The following PPTC7 variants were observed in gnomAD, a reference collection of about 807,000 sequenced individuals.
The protein encoded by PPTC7 is protein phosphatase targeting COQ7, also known as protein phosphatase PTC7 homolog.
Under a neutral mutation model 30.8 loss-of-function variants are expected in PPTC7, and 6 were observed. The ratio of observed to expected loss-of-function variants is 0.19; its 90% CI spans 0.11 to 0.38. The LOEUF is 0.38. Among genes scored for constraint, PPTC7 ranks in the 10% least tolerant of loss-of-function variants. PPTC7 has a pLI of 1.00. For synonymous variants in PPTC7, 163 were observed against 168.1 expected, an observed-to-expected ratio of 0.97 and a Z score of 0.23; for missense variants, 218 against 404.8, an observed-to-expected ratio of 0.54 and a Z score of 3.96.
At chr12:110,579,937 C>T (rs966648834) in intron 1 of PPTC7, among the ~76,000 whole-genome samples, 5 of 151,764 alleles carry the variant, frequency 3.3e-5, no homozygotes, top group Admixed American at 6.6e-5. Flanking sequence ...CACTTAAACC[C>T]GGGAGGCGGA....
intron 1 of PPTC7, among the ~76,000 whole-genome samples, chr12:110,562,533 C>T (rs992375729): frequency 2.6e-5 from 4 of 152,044 alleles, no homozygotes; most frequent in African/African-American, 9.7e-5. Flanking sequence ...GTGGCTCACA[C>T]CTATAATCCC....
chr12:110,559,726 A>G (rs1408559126), intron 1 of PPTC7, among the ~76,000 whole-genome samples: 2 of 143,842 alleles, frequency 1.4e-5, no homozygotes, highest in East Asian at 2.0e-4. Flanking sequence ...ACTCAGCCTC[A>G]GGGGAAAAAA....
intron 1 of PPTC7, among the ~76,000 whole-genome samples, chr12:110,574,961 T>A (rs950571665): frequency 6.8e-6 from 1 of 147,328 alleles, no homozygotes; most frequent in Non-Finnish European, 1.5e-5. Context: ...TTTTTTTTTT[T>A]AAACTTTTAG....
intron 1 of PPTC7, among the ~76,000 whole-genome samples, chr12:110,559,924 C>T (rs747556161): frequency 4.5e-4 from 69 of 151,914 alleles, no homozygotes; most frequent in Non-Finnish European, 8.5e-4. Flanking sequence ...GATGGGTCCT[C>T]GCCATGTTGC....
At chr12:110,568,456 G>C (rs2064504529) in intron 1 of PPTC7, among the ~76,000 whole-genome samples, 1 of 152,066 alleles carries the variant, frequency 6.6e-6, no homozygotes, top group South Asian at 2.1e-4. Context: ...GTTTCACCAT[G>C]TTAGCCAGGA....
chr12:110,570,157 C>G (rs1038669012), intron 1 of PPTC7, among the ~76,000 whole-genome samples: 1 of 150,610 alleles, frequency 6.6e-6, no homozygotes, highest in Non-Finnish European at 1.5e-5. Flanking sequence ...TTCTGTTAAT[C>G]TATAACCTTA....
rs1034089092 is a variant in PPTC7, at chr12:110,539,754, T to C, written c.726+68A>G. 2.8e-6 allele frequency: 4 copies of C among 1,453,324 alleles called. No homozygotes were observed. The African/African-American group carries it at 5.7e-5, about 21-fold the overall frequency. The allele number at this position is 1,453,324 out of a possible 1,614,324, so 90.0% of individuals were successfully genotyped here. On this transcript the variant is annotated intron_variant, in intron 4 of 5. Transcript: ENST00000354300. ...CAAAACTACAAAGAGATAATGCAAC[T>C]GAATCCATAAAACTCAGCTATCCAG... is the stretch of plus-strand genomic sequence containing the variant.
intron 1 of PPTC7, among the ~76,000 whole-genome samples, chr12:110,556,670 T>A (rs1179394353): frequency 2.0e-5 from 3 of 152,110 alleles, no homozygotes. Context: ...AGGATAAGAA[T>A]AAGAATACCC....
Position 110,580,030 on chromosome 12 carries a change from C to CA in PPTC7, c.223+2778dup, listed in dbSNP as rs879309557. On this transcript the variant is annotated intron_variant, in intron 1 of 5. Transcript: ENST00000354300. ...CTCCATACCCGCACCCCCCACCCAC[C>CA]AAAAAAAAAAAAGAAAAGAACAAAA... Among the ~76,000 whole-genome samples the CA allele has an allele frequency of 3.7e-3, 501 of 135,768 alleles. 2 individuals carry two copies. The highest frequency in any genetic ancestry group is 5.2e-3 in the Admixed American group (71 of 13,592). 89.1% of individuals were successfully genotyped at this position (135,768 alleles called of 152,430 possible).
intron 1 of PPTC7, among the ~76,000 whole-genome samples, chr12:110,580,924 G>C (rs759225219): frequency 6.6e-6 from 1 of 151,658 alleles, no homozygotes; most frequent in Non-Finnish European, 1.5e-5. Context: ...GCTAATTTTT[G>C]TATTTTTAGT....
chr12:110,537,536 A>G (rs565025293), intron 5 of PPTC7, among the ~76,000 whole-genome samples: 1 of 152,356 alleles, frequency 6.6e-6, no homozygotes, highest in African/African-American at 2.4e-5. Flanking sequence ...TTGGAGGACT[A>G]AGAAATGTTT....
At chr12:110,561,603 C>T (rs1013420945) in intron 1 of PPTC7, among the ~76,000 whole-genome samples, 1 of 152,172 alleles carries the variant, frequency 6.6e-6, no homozygotes, top group Admixed American at 6.5e-5. Flanking sequence ...GGATTACAGG[C>T]ATGAGCAACC....
At chr12:110,564,793 A>ATATATATACACGTATATGTATATGCG (rs1565924456) in intron 1 of PPTC7, among the ~76,000 whole-genome samples, 7 of 148,568 alleles carry the variant, frequency 4.7e-5, no homozygotes, top group African/African-American at 1.7e-4. Flanking sequence ...TACACGTTAT[A>ATATATATACACGTATATGTATATGCG]TATATATACA....
chr12:110,555,208 G>A (rs1246165792), intron 1 of PPTC7, among the ~76,000 whole-genome samples: 1 of 152,166 alleles, frequency 6.6e-6, no homozygotes, highest in African/African-American at 2.4e-5. Context: ...AAACAGAATT[G>A]GAAGACATAA....
chr12:110,574,141 T>TAAAAAAAAA (rs58133391), intron 1 of PPTC7, among the ~76,000 whole-genome samples: 111 of 37,456 alleles, frequency 3.0e-3, no homozygotes, highest in East Asian at 5.2e-3. Flanking sequence ...CCACAATAAT[T>TAAAAAAAAA]AAAAAAAAAA....
At chr12:110,568,578 C>T (rs1313113521) in intron 1 of PPTC7, among the ~76,000 whole-genome samples, 1 of 152,168 alleles carries the variant, frequency 6.6e-6, no homozygotes, top group Non-Finnish European at 1.5e-5. Flanking sequence ...CACACCAGTC[C>T]TGTGCATGTT....
chr12:110,548,361 G>A (rs2064325744), intron 2 of PPTC7, among the ~76,000 whole-genome samples: 1 of 152,136 alleles, frequency 6.6e-6, no homozygotes, highest in African/African-American at 2.4e-5. Context: ...TCTTTCTCAT[G>A]CTAATGCCCA....
At chr12:110,578,609 AAAAG>A (rs990614368) in intron 1 of PPTC7, among the ~76,000 whole-genome samples, 14 of 152,314 alleles carry the variant, frequency 9.2e-5, no homozygotes, top group Admixed American at 2.6e-4. Context: ...TTCTCATATA[AAAAG>A]AAAGAAACAG....
chr12:110,565,316 G>C (rs904061990), intron 1 of PPTC7, among the ~76,000 whole-genome samples: 2 of 151,808 alleles, frequency 1.3e-5, no homozygotes, highest in Non-Finnish European at 2.9e-5. Flanking sequence ...GAGTGCAGTG[G>C]CATGAACTTG....
Sources: allele counts gnomAD v4.1 joint callset (sites outside exome capture counted in the v4.1 genomes callset), GRCh38; gene constraint gnomAD v4.1.1; transcripts MANE v1.5; gene names NCBI Gene and HGNC (gene_info 2026-07-23, HGNC 2026-07-21).